DAB1: variants seen among roughly 807,000 people sequenced by gnomAD.
The protein encoded by DAB1 is disabled homolog 1.
DAB1 carries 15 observed loss-of-function variants against 64.6 expected under a neutral mutation model. The observed-to-expected ratio is 0.23, with a 90% confidence interval of 0.16 to 0.36. The LOEUF is 0.36. DAB1 is among the 10% of genes least tolerant of loss of function. The pLI is 1.00. For missense variants in DAB1, 596 were observed against 706.7 expected (o/e 0.84, Z 1.78); for synonymous variants, 235 against 251.9 (o/e 0.93, Z 0.64).
chr1:57,575,119 C>T (rs1645235533), intron 7 of DAB1, among the ~76,000 whole-genome samples: 1 of 152,148 alleles, frequency 6.6e-6, no homozygotes. Flanking sequence ...GAAGGGAGCA[C>T]CAGGAACTGA....
chr1:57,115,512 G>A (rs777255005), intron 4 of DAB1, among the ~76,000 whole-genome samples: 10 of 152,146 alleles, frequency 6.6e-5, no homozygotes, highest in Non-Finnish European at 1.5e-4. Flanking sequence ...GGCTACATGT[G>A]GCGCTTGAAA....
intron 4 of DAB1, among the ~76,000 whole-genome samples, chr1:58,182,485 T>G (rs1426683100): frequency 1.3e-5 from 2 of 151,824 alleles, no homozygotes; most frequent in Non-Finnish European, 2.9e-5. Flanking sequence ...TTTCTCTATT[T>G]GTTTTCTGTT....
At chr1:58,434,412 G>GAAA (rs35881373) in intron 3 of DAB1, among the ~76,000 whole-genome samples, 83 of 140,340 alleles carry the variant, frequency 5.9e-4, no homozygotes, top group African/African-American at 8.0e-4. Flanking sequence ...ATGAGAAAAA[G>GAAA]AAAAAAAAAA....
At chr1:58,326,452 A>T (rs1420746396) in intron 4 of DAB1, among the ~76,000 whole-genome samples, 1 of 152,174 alleles carries the variant, frequency 6.6e-6, no homozygotes, top group Admixed American at 6.5e-5. Context: ...GTGCAGGAGG[A>T]CTTGAGGAGG....
intron 7 of DAB1, among the ~76,000 whole-genome samples, chr1:57,630,386 C>T (rs1358257424): frequency 2.0e-5 from 3 of 152,080 alleles, no homozygotes; most frequent in Admixed American, 1.3e-4. Flanking sequence ...CTCTAGTGTT[C>T]GATAACCCTC....
At chr1:57,393,940 G>A (rs1225340368) in intron 1 of DAB1, among the ~76,000 whole-genome samples, 1 of 152,002 alleles carries the variant, frequency 6.6e-6, no homozygotes, top group African/African-American at 2.4e-5. Context: ...AAGATAGGTG[G>A]CCCACATATA....
In DAB1 at chr1:57,071,542, A is replaced by G. The variant is rs1190793539; in HGVS notation, c.538T>C (p.Cys180Arg). The change falls in exon 6 of 15, where the codon TGT (cysteine) becomes CGT (arginine). Residue 180 changes from cysteine to arginine, a missense_variant. Physicochemically the swap from Cys to Arg is radical, Grantham distance 180. Coordinates refer to ENST00000371236, the MANE Select transcript of DAB1 (RefSeq NM_001365792.1). Reference sequence around the variant, plus strand: ...TATACCTGGTACACAGCTTGTTCACACTGCTTATCCTTTTGTGCCTTTTTT... The same window carrying G: ...TATACCTGGTACACAGCTTGTTCACGCTGCTTATCCTTTTGTGCCTTTTTT... ...LEKKAQKDKQ[C>R]EQAVYQTILE... 5 of 1,613,726 alleles carry G rather than the reference A, an allele frequency of 3.1e-6. No homozygotes were observed. In the South Asian group the frequency reaches 5.5e-5, roughly 18 times the overall value.
chr1:57,456,563 A>C (rs1686599947), intron 7 of DAB1, among the ~76,000 whole-genome samples: 1 of 152,186 alleles, frequency 6.6e-6, no homozygotes, highest in South Asian at 2.1e-4. Context: ...ACTGTGGTTT[A>C]AAATAGTATT....
intron 7 of DAB1, among the ~76,000 whole-genome samples, chr1:57,509,657 A>C (rs1055073775): frequency 2.0e-5 from 3 of 151,474 alleles, no homozygotes; most frequent in African/African-American, 7.3e-5. Flanking sequence ...ACCATCCTCA[A>C]CTCTCTGTAG....
intron 2 of DAB1, among the ~76,000 whole-genome samples, chr1:57,250,937 A>T (rs1451501624): frequency 6.6e-6 from 1 of 152,190 alleles, no homozygotes; most frequent in East Asian, 1.9e-4. Context: ...ATCTTTCTGG[A>T]ATTAAAGCTC....
intron 4 of DAB1, among the ~76,000 whole-genome samples, chr1:58,218,993 C>CTT (rs1659006335): frequency 3.0e-5 from 3 of 101,356 alleles, no homozygotes; most frequent in Non-Finnish European, 4.0e-5. Flanking sequence ...TGGCCATTCT[C>CTT]TCTCTCTCTC....
chr1:57,238,080 A>C (rs1336962275), intron 2 of DAB1, among the ~76,000 whole-genome samples: 1 of 152,166 alleles, frequency 6.6e-6, no homozygotes, highest in East Asian at 1.9e-4. Context: ...TTTAGGAACC[A>C]AAAGGGGTTT....
intron 2 of DAB1, among the ~76,000 whole-genome samples, chr1:57,167,294 T>C (rs1661288775): frequency 6.6e-6 from 1 of 152,152 alleles, no homozygotes; most frequent in Non-Finnish European, 1.5e-5. Flanking sequence ...GGTAAAGTCA[T>C]CAAGGAATTA....
intron 4 of DAB1, among the ~76,000 whole-genome samples, chr1:57,085,175 T>C (rs1416904882): frequency 6.6e-6 from 1 of 152,186 alleles, no homozygotes; most frequent in Non-Finnish European, 1.5e-5. Context: ...TGTCTAATGT[T>C]TCATCAATGG....
intron 2 of DAB1, among the ~76,000 whole-genome samples, chr1:57,206,204 TG>T (rs1344667142): frequency 6.6e-6 from 1 of 152,090 alleles, no homozygotes; most frequent in Non-Finnish European, 1.5e-5. Flanking sequence ...AGAAAGGCTT[TG>T]GAGGAGAAGA....
intron 6 of DAB1, among the ~76,000 whole-genome samples, chr1:57,728,422 G>A (rs1236764003): frequency 2.0e-5 from 3 of 151,926 alleles, no homozygotes; most frequent in African/African-American, 7.2e-5. Context: ...TGAAACCCCG[G>A]CTCTACTAAA....
chr1:57,229,623 T>C (rs1327429552), intron 2 of DAB1, among the ~76,000 whole-genome samples: 1 of 152,250 alleles, frequency 6.6e-6, no homozygotes, highest in African/African-American at 2.4e-5. Flanking sequence ...TCTGTATGCT[T>C]GAATTATTTA....
chr1:57,510,415 T>C (rs1000951683), intron 7 of DAB1, among the ~76,000 whole-genome samples: 2 of 152,320 alleles, frequency 1.3e-5, no homozygotes, highest in South Asian at 2.1e-4. Context: ...TTTGGAACCC[T>C]TGGGCTCTGG....
intron 5 of DAB1, among the ~76,000 whole-genome samples, chr1:57,995,232 T>C (rs1646406440): frequency 1.3e-5 from 2 of 152,166 alleles, no homozygotes; most frequent in African/African-American, 4.8e-5. Flanking sequence ...GGGTTACACA[T>C]GAAAATATAA....
Sources: allele counts gnomAD v4.1 joint callset (sites outside exome capture counted in the v4.1 genomes callset), GRCh38; gene constraint gnomAD v4.1.1; transcripts MANE v1.5; gene names NCBI Gene and HGNC (gene_info 2026-07-23, HGNC 2026-07-21).